The following ELOVL5 variants were observed in gnomAD, a reference collection of about 807,000 sequenced individuals.
The protein encoded by ELOVL5 is ELOVL fatty acid elongase 5.
ELOVL5 carries 8 observed loss-of-function variants against 38.6 expected under a neutral mutation model. The observed-to-expected ratio is 0.21, with a 90% CI of 0.12 to 0.37. The LOEUF (loss-of-function observed/expected upper bound fraction) is 0.37, where lower values mean the gene tolerates loss of function less well. Ranked by LOEUF, ELOVL5 falls within the 10% of genes least tolerant of loss-of-function variation. The pLI is 1.00. For missense variants in ELOVL5, 280 were observed against 367.8 expected (o/e 0.76, Z 1.95); for synonymous variants, 127 against 133.7 (o/e 0.95, Z 0.34).
intron 1 of ELOVL5, among the ~76,000 whole-genome samples, chr6:53,313,233 T>C (rs1767911395): frequency 6.6e-6 from 1 of 152,216 alleles, no homozygotes; most frequent in African/African-American, 2.4e-5. Context: ...TTTACAATAC[T>C]GTAGATGAGC....
At chr6:53,347,174 T>G (rs756571651) in intron 1 of ELOVL5, among the ~76,000 whole-genome samples, 3 of 152,160 alleles carry the variant, frequency 2.0e-5, no homozygotes, top group African/African-American at 7.2e-5. Context: ...TCTGTAACTA[T>G]CAATAAAAAT....
chr6:53,269,669 C>G, intron 7 of ELOVL5, among the ~76,000 whole-genome samples: 1 of 152,222 alleles, frequency 6.6e-6, no homozygotes, highest in Non-Finnish European at 1.5e-5. Context: ...AAAAGTTCCT[C>G]ACTGCCTCGG....
At chr6:53,322,437 A>G (rs1352635880) in intron 1 of ELOVL5, among the ~76,000 whole-genome samples, 2 of 152,216 alleles carry the variant, frequency 1.3e-5, no homozygotes, top group Admixed American at 6.5e-5. Flanking sequence ...AGTATAAAAC[A>G]GCTTGACTTT....
chr6:53,287,052 A>T (rs866151131), intron 3 of ELOVL5, among the ~76,000 whole-genome samples: 2 of 152,240 alleles, frequency 1.3e-5, no homozygotes, highest in Non-Finnish European at 2.9e-5. Flanking sequence ...ATAGTTCCAA[A>T]ATTACAATTT....
intron 1 of ELOVL5, among the ~76,000 whole-genome samples, chr6:53,302,405 C>A (rs977987869): frequency 6.6e-6 from 1 of 152,184 alleles, no homozygotes; most frequent in African/African-American, 2.4e-5. Context: ...CCAAGGACAA[C>A]AGAACATGAG....
intron 1 of ELOVL5, among the ~76,000 whole-genome samples, chr6:53,338,101 TG>T (rs1769160081): frequency 6.6e-6 from 1 of 152,010 alleles, no homozygotes; most frequent in African/African-American, 2.4e-5. Flanking sequence ...GGGTGGATGG[TG>T]GGTGGGTGGA....
chr6:53,281,822 G>GTTTTTT (rs56133416), intron 3 of ELOVL5, among the ~76,000 whole-genome samples: 1 of 147,336 alleles, frequency 6.8e-6, no homozygotes, highest in Non-Finnish European at 1.5e-5. Flanking sequence ...CTCCACAGGT[G>GTTTTTT]TTTTTTTTTT....
intron 1 of ELOVL5, among the ~76,000 whole-genome samples, chr6:53,348,290 G>A (rs1458766794): frequency 2.6e-5 from 4 of 152,190 alleles, no homozygotes; most frequent in Non-Finnish European, 5.9e-5. Context: ...GGAAAGGCCG[G>A]AGAGTCCCCC....
At position 53,298,433 on chromosome 6, in the gene ELOVL5, C is replaced by T. The variant is rs72938779; in HGVS notation, c.-8-2726G>A. On this transcript the variant is annotated intron_variant, in intron 1 of 7. Transcript: ENST00000304434. The stretch of plus-strand genomic sequence containing the variant: ...ACAATAATCAGGTATTAAGCATGAA[C>T]GGACTTTTGCTAGATTATAAGAAAC... Among the ~76,000 whole-genome samples the T allele has an allele frequency of 4.5e-4, 68 of 152,206 alleles. No homozygotes were observed. In the East Asian group the frequency reaches 0.011, roughly 24 times the overall value.
intron 1 of ELOVL5, among the ~76,000 whole-genome samples, chr6:53,322,215 C>T (rs963447287): frequency 2.0e-5 from 3 of 152,148 alleles, no homozygotes; most frequent in Non-Finnish European, 4.4e-5. Context: ...ACCCCGTAAA[C>T]AAGGGAAAAT....
chr6:53,287,930 G>A (rs1159408414), intron 3 of ELOVL5: 1 of 1,535,528 alleles, frequency 6.5e-7, no homozygotes, highest in Non-Finnish European at 8.7e-7. Context: ...CGACGGGGTT[G>A]CTCCCTTTTG....
intron 3 of ELOVL5, among the ~76,000 whole-genome samples, chr6:53,286,757 TACTG>T (rs1766585317): frequency 6.6e-6 from 1 of 152,146 alleles, no homozygotes; most frequent in African/African-American, 2.4e-5. Context: ...GTCAAAAATA[TACTG>T]ACTGAAAAAA....
intron 1 of ELOVL5, among the ~76,000 whole-genome samples, chr6:53,340,558 C>T (rs1370267236): frequency 6.6e-6 from 1 of 152,134 alleles, no homozygotes; most frequent in Non-Finnish European, 1.5e-5. Context: ...ATAGTTGTAT[C>T]ATTTTTTATC....
At chr6:53,307,702 A>T (rs1049378361) in intron 1 of ELOVL5, among the ~76,000 whole-genome samples, 2 of 152,218 alleles carry the variant, frequency 1.3e-5, no homozygotes, top group African/African-American at 4.8e-5. Flanking sequence ...CTCTAGATAA[A>T]TTCCTCTGAA....
intron 5 of ELOVL5, among the ~76,000 whole-genome samples, chr6:53,274,815 G>A (rs1344432594): frequency 6.6e-6 from 1 of 152,198 alleles, no homozygotes; most frequent in Non-Finnish European, 1.5e-5. Context: ...AAAGAACCTG[G>A]AAAGTTGCCC....
intron 1 of ELOVL5, among the ~76,000 whole-genome samples, chr6:53,335,542 G>T (rs1366361746): frequency 6.6e-6 from 1 of 150,490 alleles, no homozygotes; most frequent in African/African-American, 2.4e-5. Context: ...CTGTTTACTC[G>T]CAGGGCACAC....
At chr6:53,274,542 G>A (rs1766042095) in intron 5 of ELOVL5, among the ~76,000 whole-genome samples, 1 of 152,162 alleles carries the variant, frequency 6.6e-6, no homozygotes, top group Non-Finnish European at 1.5e-5. Context: ...AAAATTATAA[G>A]AAACTTTGGA....
At chr6:53,322,204 A>T (rs1017463961) in intron 1 of ELOVL5, among the ~76,000 whole-genome samples, 1 of 152,230 alleles carries the variant, frequency 6.6e-6, no homozygotes, top group Admixed American at 6.5e-5. Context: ...GCTTTACAGG[A>T]ACCCCGTAAA....
chr6:53,289,635 G>A (rs1375260195), intron 3 of ELOVL5, among the ~76,000 whole-genome samples: 2 of 152,198 alleles, frequency 1.3e-5, no homozygotes, highest in Non-Finnish European at 2.9e-5. Context: ...CAAGAGAATC[G>A]CTTGAACCTG....
Sources: allele counts gnomAD v4.1 joint callset (sites outside exome capture counted in the v4.1 genomes callset), GRCh38; gene constraint gnomAD v4.1.1; transcripts MANE v1.5; gene names NCBI Gene and HGNC (gene_info 2026-07-23, HGNC 2026-07-21).